The following LOC128092253 variants were observed in gnomAD, a reference collection of about 807,000 sequenced individuals.
At chr6:133,955,745 G>T in the LOC128092253 span, among the ~76,000 whole-genome samples, 3 of 152,170 alleles carry the variant, frequency 2.0e-5, no homozygotes, top group Admixed American at 6.5e-5. Flanking sequence ...TGTAGAGCCT[G>T]TTCTGTGTTT....
At chr6:133,972,061 A>G in the LOC128092253 span, among the ~76,000 whole-genome samples, 1 of 152,196 alleles carries the variant, frequency 6.6e-6, no homozygotes, top group South Asian at 2.1e-4. Context: ...AGATTATCCA[A>G]ATTTGTTTGG....
chr6:133,956,136 C>G, the LOC128092253 span, among the ~76,000 whole-genome samples: 2 of 152,120 alleles, frequency 1.3e-5, no homozygotes, highest in Non-Finnish European at 2.9e-5. Flanking sequence ...TCTGTTTCAT[C>G]ATAGACCATG....
the LOC128092253 span, among the ~76,000 whole-genome samples, chr6:133,973,007 C>T: frequency 6.6e-6 from 1 of 152,112 alleles, no homozygotes; most frequent in East Asian, 1.9e-4. Flanking sequence ...TTTTATAAGG[C>T]TTATTTTATA....
At chr6:133,971,108 C>T in the LOC128092253 span, among the ~76,000 whole-genome samples, 1 of 151,996 alleles carries the variant, frequency 6.6e-6, no homozygotes, top group Non-Finnish European at 1.5e-5. Flanking sequence ...TCTCCTCAGT[C>T]TCTGTTAATC....
At chr6:133,965,250 G>A in the LOC128092253 span, among the ~76,000 whole-genome samples, 3 of 152,144 alleles carry the variant, frequency 2.0e-5, no homozygotes, top group African/African-American at 7.2e-5. Flanking sequence ...TCAGTAAAGA[G>A]ATGAAACTTT....
the LOC128092253 span, among the ~76,000 whole-genome samples, chr6:133,971,987 C>A: frequency 3.2e-4 from 49 of 152,238 alleles, no homozygotes; most frequent in African/African-American, 1.1e-3. Context: ...AGCAGTAATA[C>A]AGCATTTTTT....
the LOC128092253 span, among the ~76,000 whole-genome samples, chr6:133,967,443 T>C: frequency 6.6e-6 from 1 of 152,162 alleles, no homozygotes; most frequent in Non-Finnish European, 1.5e-5. Context: ...TTTAAAGAAA[T>C]ACAAATGGTT....
At chr6:133,971,142 A>T in the LOC128092253 span, among the ~76,000 whole-genome samples, 1 of 151,540 alleles carries the variant, frequency 6.6e-6, no homozygotes, top group Non-Finnish European at 1.5e-5. Flanking sequence ...CTTCGATGAT[A>T]ACACTTTTTT....
chr6:133,954,408 G>T, the LOC128092253 span, among the ~76,000 whole-genome samples: 1 of 152,206 alleles, frequency 6.6e-6, no homozygotes, highest in Non-Finnish European at 1.5e-5. Context: ...GCATAATTTC[G>T]CAGTCTCTTT....
the LOC128092253 span, among the ~76,000 whole-genome samples, chr6:133,961,105 C>G: frequency 1.3e-5 from 2 of 152,128 alleles, no homozygotes; most frequent in Non-Finnish European, 2.9e-5. Flanking sequence ...TGTTGGAGAA[C>G]TTGAGTCAGT....
the LOC128092253 span, among the ~76,000 whole-genome samples, chr6:133,979,137 C>T: frequency 6.6e-6 from 1 of 152,146 alleles, no homozygotes; most frequent in African/African-American, 2.4e-5. Flanking sequence ...CTTGGTAGAG[C>T]TCCTCCTGTA....
chr6:133,963,998 G>A, the LOC128092253 span, among the ~76,000 whole-genome samples: 21 of 152,154 alleles, frequency 1.4e-4, no homozygotes, highest in Non-Finnish European at 2.8e-4. Context: ...CCGAGATCGT[G>A]ACACTGCACT....
At chr6:133,963,004 C>T in the LOC128092253 span, among the ~76,000 whole-genome samples, 3 of 152,180 alleles carry the variant, frequency 2.0e-5, no homozygotes, top group African/African-American at 7.2e-5. Flanking sequence ...CAGAAGTTCC[C>T]AGTGCTTTAT....
chr6:133,955,520 T>A, the LOC128092253 span, among the ~76,000 whole-genome samples: 1 of 152,208 alleles, frequency 6.6e-6, no homozygotes, highest in South Asian at 2.1e-4. Flanking sequence ...TACCCTCCTC[T>A]TTATTTGGAA....
chr6:133,974,363 T>C, the LOC128092253 span, among the ~76,000 whole-genome samples: 2 of 152,228 alleles, frequency 1.3e-5, no homozygotes, highest in Non-Finnish European at 2.9e-5. Context: ...AGATGGAGTC[T>C]TGCTCTGTCA....
the LOC128092253 span, among the ~76,000 whole-genome samples, chr6:133,970,527 T>C: frequency 1.3e-5 from 2 of 152,156 alleles, no homozygotes; most frequent in Non-Finnish European, 2.9e-5. Flanking sequence ...GAAATTATTA[T>C]GGAAACTTTT....
At chr6:133,953,810 G>A in the LOC128092253 span, among the ~76,000 whole-genome samples, 1 of 152,148 alleles carries the variant, frequency 6.6e-6, no homozygotes, top group Non-Finnish European at 1.5e-5. Context: ...CATCACCCAG[G>A]GGAAGAGGGA....
chr6:133,958,594 A>G, the LOC128092253 span, among the ~76,000 whole-genome samples: 6 of 152,202 alleles, frequency 3.9e-5, no homozygotes, highest in African/African-American at 1.4e-4. Context: ...CTAACTTTAA[A>G]AAGTTAAGTC....
chr6:133,968,365 G>A, the LOC128092253 span, among the ~76,000 whole-genome samples: 1 of 152,132 alleles, frequency 6.6e-6, no homozygotes, highest in African/African-American at 2.4e-5. Flanking sequence ...CTTTTATATA[G>A]TAAGGAATCA....
Sources: gnomAD v4.1 joint callset for allele counts (sites outside exome capture counted in the v4.1 genomes callset) on GRCh38, gnomAD v4.1.1 for gene constraint, MANE v1.5 for transcripts.